Variants in FRMD4B observed in about 807,000 individuals in gnomAD.
FRMD4B encodes the protein FERM domain containing 4B.
In FRMD4B, 74 loss-of-function variants were observed where a neutral mutation model predicts 141.5. That is an observed-to-expected ratio of 0.52 (90% CI 0.43 to 0.63). The LOEUF (loss-of-function observed/expected upper bound fraction) is 0.63, where lower values mean the gene tolerates loss of function less well. Among genes scored for constraint, FRMD4B ranks in the 30% least tolerant of loss-of-function variants. The pLI is 0.00. For missense variants in FRMD4B, 1,366 were observed against 1,253.4 expected, an observed-to-expected ratio of 1.09 and a Z score of -1.36; for synonymous variants, 506 against 467.9, an observed-to-expected ratio of 1.08 and a Z score of -1.05.
At chr3:69,307,511 T>C (rs979199981) in intron 3 of FRMD4B, among the ~76,000 whole-genome samples, 2 of 152,044 alleles carry the variant, frequency 1.3e-5, no homozygotes, top group African/African-American at 4.8e-5. Context: ...CAGCTAATTT[T>C]TGTATTTTTA....
At chr3:69,282,884 G>A (rs1049386268) in intron 5 of FRMD4B, among the ~76,000 whole-genome samples, 5 of 151,882 alleles carry the variant, frequency 3.3e-5, no homozygotes, top group Non-Finnish European at 5.9e-5. Context: ...TGATCCACCC[G>A]CCTTGGCTTC....
chr3:69,396,833 T>C (rs1318540098), intron 2 of FRMD4B, among the ~76,000 whole-genome samples: 1 of 152,190 alleles, frequency 6.6e-6, no homozygotes, highest in Non-Finnish European at 1.5e-5. Flanking sequence ...CCTAAGTATG[T>C]GCCCCACAAA....
At chr3:69,397,026 G>C (rs1704484705) in intron 2 of FRMD4B, among the ~76,000 whole-genome samples, 1 of 152,138 alleles carries the variant, frequency 6.6e-6, no homozygotes, top group Non-Finnish European at 1.5e-5. Context: ...CAAGGGAATT[G>C]AAAACGTATG....
At chr3:69,324,568 C>T (rs1360356672) in intron 1 of FRMD4B, among the ~76,000 whole-genome samples, 1 of 152,228 alleles carries the variant, frequency 6.6e-6, no homozygotes, top group Non-Finnish European at 1.5e-5. Flanking sequence ...TCAGTAGATC[C>T]TCCCCCATAT....
intron 7 of FRMD4B, among the ~76,000 whole-genome samples, chr3:69,235,926 A>C (rs1222930737): frequency 6.6e-6 from 1 of 152,204 alleles, no homozygotes; most frequent in Non-Finnish European, 1.5e-5. Flanking sequence ...AGGGGACAGG[A>C]AATAGGGAAG....
chr3:69,450,791 A>AAAC, intron 1 of FRMD4B, among the ~76,000 whole-genome samples: 1 of 67,540 alleles, frequency 1.5e-5, no homozygotes, highest in East Asian at 3.9e-4. Flanking sequence ...CCCAACAACA[A>AAAC]AACAACAACA....
At chr3:69,212,394 A>G (rs1480348771) in intron 11 of FRMD4B, among the ~76,000 whole-genome samples, 4 of 121,362 alleles carry the variant, frequency 3.3e-5, no homozygotes, top group Admixed American at 1.7e-4. Context: ...AAAAAAAAAG[A>G]AAAAAAAGAA....
chr3:69,357,938 A>G (rs1209693835), intron 1 of FRMD4B, among the ~76,000 whole-genome samples: 1 of 152,238 alleles, frequency 6.6e-6, no homozygotes, highest in Non-Finnish European at 1.5e-5. Context: ...TTTCTTGAGC[A>G]TCAAATACAT....
chr3:69,495,002 G>C (rs1253778280), intron 1 of FRMD4B, among the ~76,000 whole-genome samples: 1 of 151,868 alleles, frequency 6.6e-6, no homozygotes, highest in African/African-American at 2.4e-5. Flanking sequence ...GGGAGGGAAA[G>C]GGAGGGAAAG....
chr3:69,212,417 C>T (rs369763018), intron 11 of FRMD4B, among the ~76,000 whole-genome samples: 1 of 65,464 alleles, frequency 1.5e-5, no homozygotes, highest in Non-Finnish European at 3.5e-5. Flanking sequence ...AAAGCGATAA[C>T]AAAAGATGGA....
chr3:69,476,396 G>T (rs1196732205), intron 1 of FRMD4B, among the ~76,000 whole-genome samples: 1 of 152,074 alleles, frequency 6.6e-6, no homozygotes, highest in Non-Finnish European at 1.5e-5. Flanking sequence ...TGTAAGCAAG[G>T]GATCCAGTTT....
At chr3:69,279,707 TTCCCCTCCTCCTCCCCTCC>T (rs2093635192) in intron 5 of FRMD4B, among the ~76,000 whole-genome samples, 1 of 21,272 alleles carries the variant, frequency 4.7e-5, no homozygotes, top group Non-Finnish European at 1.1e-4. Flanking sequence ...CCTTCTCCTC[TTCCCCTCCTCCTCCCCTCC>T]TCCTTCTCCT....
At chr3:69,485,126 A>G (rs540744332) in intron 1 of FRMD4B, among the ~76,000 whole-genome samples, 1 of 152,146 alleles carries the variant, frequency 6.6e-6, no homozygotes, top group South Asian at 2.1e-4. Flanking sequence ...CTCTATTACC[A>G]AAGTCCTGAG....
At chr3:69,302,676 ATAAT>A (rs1403919546) in intron 3 of FRMD4B, among the ~76,000 whole-genome samples, 1 of 152,222 alleles carries the variant, frequency 6.6e-6, no homozygotes, top group Non-Finnish European at 1.5e-5. Context: ...CATGTGAGAA[ATAAT>A]TTGTATATGA....
At chr3:69,513,252 TTATAAGAGAA>T (rs144108383) in intron 1 of FRMD4B, among the ~76,000 whole-genome samples, 3,395 of 152,046 alleles carry the variant, frequency 0.022, 130 homozygotes, top group African/African-American at 0.079. Context: ...ATAAAAGGGA[TTATAAGAGAA>T]TACAATGAAC....
chr3:69,457,572 C>G (rs183868204), intron 1 of FRMD4B, among the ~76,000 whole-genome samples: 3 of 152,228 alleles, frequency 2.0e-5, no homozygotes, highest in East Asian at 3.9e-4. Context: ...GTAACATGGC[C>G]GAGGTCGAAG....
At chr3:69,397,394 T>C (rs1704491144) in intron 2 of FRMD4B, among the ~76,000 whole-genome samples, 1 of 152,182 alleles carries the variant, frequency 6.6e-6, no homozygotes, top group South Asian at 2.1e-4. Context: ...GATCTGAAAT[T>C]AGATAATGGG....
intron 1 of FRMD4B, among the ~76,000 whole-genome samples, chr3:69,484,167 T>C (rs972560412): frequency 2.5e-4 from 38 of 152,304 alleles, no homozygotes; most frequent in African/African-American, 8.7e-4. Flanking sequence ...CTTAGTGCAT[T>C]TATTTAGTAG....
chr3:69,400,038 A>T (rs146866832), intron 2 of FRMD4B, among the ~76,000 whole-genome samples: 77 of 152,246 alleles, frequency 5.1e-4, no homozygotes, highest in African/African-American at 1.8e-3. Context: ...AATTGAGCAG[A>T]TGGAAATGTA....
Sources: gnomAD v4.1 joint callset for allele counts (sites outside exome capture counted in the v4.1 genomes callset) on GRCh38, gnomAD v4.1.1 for gene constraint, MANE v1.5 for transcripts, NCBI Gene and HGNC (gene_info 2026-07-23, HGNC 2026-07-21) for gene names.